The following ALKBH1 variants were observed in gnomAD, a reference collection of about 807,000 sequenced individuals.
ALKBH1 encodes the protein nucleic acid dioxygenase ALKBH1.
In ALKBH1, 31 loss-of-function variants were observed where a neutral mutation model predicts 36.6. The observed-to-expected ratio is 0.85, with a 90% CI of 0.64 to 1.14. ALKBH1 has a LOEUF of 1.14. Ranked by LOEUF, ALKBH1 falls within the 50% of genes most tolerant of loss-of-function variation. The pLI is 0.00. For synonymous variants in ALKBH1, 183 were observed against 186.6 expected (o/e 0.98, Z 0.16); for missense variants, 490 against 497.3 (o/e 0.99, Z 0.14).
At chr14:77,706,320 C>T (rs2080390494) in intron 1 of ALKBH1, among the ~76,000 whole-genome samples, 1 of 152,072 alleles carries the variant, frequency 6.6e-6, no homozygotes, top group Non-Finnish European at 1.5e-5. Context: ...AGCATTTTGT[C>T]ATGATTTCTT....
At chr14:77,707,119 G>C (rs899050364) in intron 1 of ALKBH1, among the ~76,000 whole-genome samples, 3 of 152,114 alleles carry the variant, frequency 2.0e-5, no homozygotes, top group Non-Finnish European at 4.4e-5. Context: ...CTAATTTTTT[G>C]TATTTTTGGC....
intron 4 of ALKBH1, among the ~76,000 whole-genome samples, chr14:77,678,744 C>T (rs1027745202): frequency 6.6e-6 from 1 of 152,072 alleles, no homozygotes; most frequent in African/African-American, 2.4e-5. Context: ...AATCGTAGCT[C>T]AAGAAAACAC....
At chr14:77,680,677 C>CTCTCTTTTTTTTTTTTTTTTTTTTT (rs774703181) in intron 3 of ALKBH1, among the ~76,000 whole-genome samples, 1 of 124,348 alleles carries the variant, frequency 8.0e-6, no homozygotes, top group African/African-American at 3.2e-5. Context: ...ATTAACTACT[C>CTCTCTTTTTTTTTTTTTTTTTTTTT]TTTTTTTTTT....
rs139045024 is a variant in ALKBH1 at position 77,677,045 on chromosome 14, C to CTT, written c.547-1198_547-1197dup. Among the ~76,000 whole-genome samples, 273 of 146,896 alleles carry CTT rather than the reference C, an allele frequency of 1.9e-3. 1 individual carries two copies. Among genetic ancestry groups the CTT allele is most frequent in the African/African-American group, 6.3e-3 (252 of 40,228 alleles). On this transcript the variant is annotated intron_variant, in intron 4 of 5. Transcript: ENST00000216489. ...AAAATATATCAAAGGCCATAATACT[C>CTT]TTTTTTTTTTTTGAGACTGAGTCTC...
chr14:77,692,148 G>T (rs903997481), intron 3 of ALKBH1, among the ~76,000 whole-genome samples: 3 of 152,218 alleles, frequency 2.0e-5, no homozygotes, highest in Admixed American at 6.5e-5. Flanking sequence ...GGTTTTAACA[G>T]GCACTTTAAA....
At chr14:77,697,571 C>T (rs1156832392) in intron 2 of ALKBH1, among the ~76,000 whole-genome samples, 1 of 151,872 alleles carries the variant, frequency 6.6e-6, no homozygotes, top group East Asian at 1.9e-4. Context: ...GCAAAGACAA[C>T]CGGGAGACTC....
At chr14:77,707,735 G>C in intron 1 of ALKBH1, 87 bp downstream of exon 1, 1 of 1,458,174 alleles carries the variant, frequency 6.9e-7, no homozygotes, top group Non-Finnish European at 9.2e-7. Flanking sequence ...TCGGTCTGGA[G>C]GTGAAAAGAG....
chr14:77,701,347 G>A (rs1362630088), intron 2 of ALKBH1, among the ~76,000 whole-genome samples: 2 of 152,030 alleles, frequency 1.3e-5, no homozygotes, highest in Non-Finnish European at 2.9e-5. Context: ...TGAAACTGAG[G>A]GCAAGAGAAT....
intron 3 of ALKBH1, among the ~76,000 whole-genome samples, chr14:77,693,687 T>TA (rs1391951354): frequency 2.6e-5 from 4 of 152,066 alleles, no homozygotes; most frequent in Non-Finnish European, 4.4e-5. Context: ...GATAACCCAA[T>TA]AAAAAAATCA....
intron 3 of ALKBH1, among the ~76,000 whole-genome samples, chr14:77,689,146 C>T (rs2080284647): frequency 6.6e-6 from 1 of 152,210 alleles, no homozygotes; most frequent in Admixed American, 6.5e-5. Context: ...ATTTTCTCTA[C>T]TGAAATGCTC....
At chr14:77,707,309 A>G (rs2080399567) in intron 1 of ALKBH1, among the ~76,000 whole-genome samples, 1 of 152,186 alleles carries the variant, frequency 6.6e-6, no homozygotes, top group Non-Finnish European at 1.5e-5. Context: ...TATTCCATAT[A>G]TACTTGTTTG....
At position 77,673,673 on chromosome 14, in the gene ALKBH1, G is replaced by C. The variant is rs2080188236; in HGVS notation, c.*139C>G. The C allele has an allele frequency of 1.1e-6, 1 of 891,618 alleles. No individual in the cohort carries two copies. Among genetic ancestry groups the C allele is most frequent in the Non-Finnish European group, 1.7e-6 (1 of 584,190 alleles). The allele number at this position is 891,618 out of a possible 1,614,324, so 55.2% of individuals were successfully genotyped here. ...AGTTTACTTCTGCGTGGGTTCCAAGGCAACAGTGTGATCAACAATGAGTTC... is the reference window on the plus strand; with the variant it reads ...AGTTTACTTCTGCGTGGGTTCCAAGCCAACAGTGTGATCAACAATGAGTTC... On this transcript the variant is annotated 3_prime_UTR_variant, in exon 6 of 6. Transcript: ENST00000216489.
chr14:77,687,657 T>C (rs1214827317), intron 3 of ALKBH1, among the ~76,000 whole-genome samples: 2 of 152,150 alleles, frequency 1.3e-5, no homozygotes, highest in Non-Finnish European at 2.9e-5. Context: ...CTAGACCTAT[T>C]TGACATGGCT....
chr14:77,699,870 C>T (rs533169945), intron 2 of ALKBH1, among the ~76,000 whole-genome samples: 2 of 152,080 alleles, frequency 1.3e-5, no homozygotes, highest in East Asian at 1.9e-4. Flanking sequence ...CTGGCTAACA[C>T]AATGAAACCC....
chr14:77,677,173 A>G (rs2080210944), intron 4 of ALKBH1, among the ~76,000 whole-genome samples: 1 of 151,880 alleles, frequency 6.6e-6, no homozygotes, highest in Admixed American at 6.6e-5. Context: ...CTGAGCAGCT[A>G]GGATTACAGG....
At chr14:77,691,094 C>T (rs759602994) in intron 3 of ALKBH1, among the ~76,000 whole-genome samples, 12 of 152,202 alleles carry the variant, frequency 7.9e-5, no homozygotes, top group Non-Finnish European at 2.9e-5. Flanking sequence ...AGCCACCGTG[C>T]CCGGCCTGCA....
chr14:77,679,822 T>C (rs2080226891), intron 4 of ALKBH1, 58 bp downstream of exon 4: 1 of 1,264,604 alleles, frequency 7.9e-7, no homozygotes, highest in Admixed American at 1.8e-5. Context: ...GAAATACAAC[T>C]ATGTGGGCTA....
At chr14:77,706,151 T>C (rs1233800633) in intron 1 of ALKBH1, among the ~76,000 whole-genome samples, 4 of 152,036 alleles carry the variant, frequency 2.6e-5, no homozygotes, top group African/African-American at 7.2e-5. Context: ...GAATGATCTT[T>C]TATCTTATCA....
intron 4 of ALKBH1, among the ~76,000 whole-genome samples, chr14:77,676,525 T>C (rs1378709482): frequency 6.6e-6 from 1 of 152,178 alleles, no homozygotes; most frequent in Non-Finnish European, 1.5e-5. Flanking sequence ...AAATATAATG[T>C]AGTATCCTGG....
Sources: allele counts gnomAD v4.1 joint callset (sites outside exome capture counted in the v4.1 genomes callset), GRCh38; gene constraint gnomAD v4.1.1; transcripts MANE v1.5; gene names NCBI Gene and HGNC (gene_info 2026-07-23, HGNC 2026-07-21).